Variants in EGF observed in about 807,000 individuals in gnomAD.
EGF encodes the protein epidermal growth factor.
In EGF, 95 loss-of-function variants were observed where a neutral mutation model predicts 143.8. That is an observed-to-expected ratio of 0.66 (90% CI 0.56 to 0.78). The LOEUF is 0.78. Ranked by LOEUF, EGF falls within the 30% of genes least tolerant of loss-of-function variation. EGF has a pLI of 0.00. For synonymous variants in EGF, 510 were observed against 510.5 expected, an observed-to-expected ratio of 1.00 and a Z score of 0.01; for missense variants, 1,320 against 1,470.9, an observed-to-expected ratio of 0.90 and a Z score of 1.68.
chr4:109,960,168 G>A (rs1745457372), intron 6 of EGF, among the ~76,000 whole-genome samples: 1 of 152,164 alleles, frequency 6.6e-6, no homozygotes, highest in Non-Finnish European at 1.5e-5. Flanking sequence ...TGCTGGAGAA[G>A]GTTTCCACAT....
intron 18 of EGF, chr4:109,992,303 A>G (rs1751076682): frequency 6.6e-6 from 1 of 152,056 alleles, no homozygotes; most frequent in East Asian, 1.9e-4. Context: ...AAGTCCCCTT[A>G]AACCTAAAAA....
Position 109,976,175 on chromosome 4 carries a change from G to T in EGF, c.1993G>T (p.Val665Leu). 6.2e-7 allele frequency: 1 copy of T among 1,614,116 alleles called. No individual in the cohort carries two copies. ...GTACTGGTGCGATGCCAAGCAGTCT[G>T]TGATTGAAATGGCCAATCTGGATGG... is the stretch of plus-strand genomic sequence containing the variant. ...KLYWCDAKQSVIEMANLDGSK... is the reference protein window; with the variant it reads ...KLYWCDAKQSLIEMANLDGSK... The change falls in exon 13 of 24, where the codon GTG (valine) becomes TTG (leucine). Residue 665 changes from valine (V) to leucine (L), a missense_variant. Coordinates refer to ENST00000265171, the MANE Select transcript of EGF (RefSeq NM_001963.6).
intron 20 of EGF, among the ~76,000 whole-genome samples, chr4:109,997,501 G>A (rs1012168063): frequency 2.7e-5 from 4 of 150,880 alleles, no homozygotes; most frequent in African/African-American, 7.3e-5. Context: ...TCGCTCTGTC[G>A]CCCAGGCTGG....
intron 10 of EGF, 97 bp downstream of exon 10, chr4:109,964,634 G>A (rs1218618013): frequency 7.8e-6 from 12 of 1,534,526 alleles, no homozygotes; most frequent in African/African-American, 2.7e-5. Context: ...AAAATCCTCT[G>A]CTAAGTTCTG....
intron 5 of EGF, among the ~76,000 whole-genome samples, chr4:109,951,225 G>A (rs1285120139): frequency 6.6e-6 from 1 of 150,948 alleles, no homozygotes; most frequent in Non-Finnish European, 1.5e-5. Context: ...GGGTGTGGTG[G>A]TGTCTGCCTG....
chr4:109,915,156 G>T (rs1736400828), intron 1 of EGF, among the ~76,000 whole-genome samples: 3 of 152,148 alleles, frequency 2.0e-5, no homozygotes, highest in Admixed American at 2.0e-4. Flanking sequence ...TGAAACCCAG[G>T]ATAGAAACAA....
chr4:110,011,027 G>T (rs1373494675), intron 23 of EGF, among the ~76,000 whole-genome samples, 175 bp from the exon 24 acceptor site: 1 of 151,600 alleles, frequency 6.6e-6, no homozygotes. Flanking sequence ...GGATGACAGA[G>T]TGAGATGCTT....
intron 20 of EGF, among the ~76,000 whole-genome samples, chr4:109,999,145 T>C (rs919932250): frequency 6.6e-6 from 1 of 152,196 alleles, no homozygotes; most frequent in Non-Finnish European, 1.5e-5. Context: ...TCCCTTGCAC[T>C]AGTAGTGATT....
chr4:109,978,895 T>C (rs2126111864), intron 13 of EGF, among the ~76,000 whole-genome samples: 1 of 152,334 alleles, frequency 6.6e-6, no homozygotes, highest in East Asian at 1.9e-4. Context: ...TTATTTGAGT[T>C]TGCCACCAGT....
At chr4:109,959,537 G>A (rs1436680382) in intron 6 of EGF, 100 bp downstream of exon 6, 2 of 1,598,766 alleles carry the variant, frequency 1.3e-6, no homozygotes, top group Non-Finnish European at 8.5e-7. Context: ...GCCAGCCAGA[G>A]ACTCAGTGGA....
intron 4 of EGF, among the ~76,000 whole-genome samples, chr4:109,944,631 A>G (rs1192620446): frequency 6.6e-6 from 1 of 152,250 alleles, no homozygotes. Context: ...TTGGCACATA[A>G]TAAGTTCTCA....
At chr4:109,970,950 T>C (rs912736750) in intron 11 of EGF, among the ~76,000 whole-genome samples, 3 of 152,150 alleles carry the variant, frequency 2.0e-5, no homozygotes, top group African/African-American at 7.2e-5. Context: ...CATTTGTTCA[T>C]CTAATCATAC....
chr4:109,942,428 T>C (rs1256711639), intron 2 of EGF, among the ~76,000 whole-genome samples: 3 of 152,246 alleles, frequency 2.0e-5, no homozygotes, highest in African/African-American at 7.2e-5. Flanking sequence ...TTTCTTTGTA[T>C]GAAATGTAGA....
chr4:109,988,738 G>A (rs1230019126), intron 18 of EGF, 29 bp downstream of exon 18: 1 of 1,613,004 alleles, frequency 6.2e-7, no homozygotes, highest in Non-Finnish European at 8.5e-7. Context: ...TGGGGAGGAG[G>A]GCAGAGGCAG....
At chr4:109,920,058 T>C (rs1220742399) in intron 1 of EGF, among the ~76,000 whole-genome samples, 2 of 151,594 alleles carry the variant, frequency 1.3e-5, no homozygotes, top group Non-Finnish European at 1.5e-5. Context: ...ATTTAACAAA[T>C]TCATATAGAT....
chr4:109,946,502 A>C (rs1295995010), intron 5 of EGF, among the ~76,000 whole-genome samples: 1 of 152,182 alleles, frequency 6.6e-6, no homozygotes, highest in Non-Finnish European at 1.5e-5. Context: ...ATGTGCTCAG[A>C]TAGGTCTTCT....
Position 109,937,359 on chromosome 4 carries a change from C to CT in EGF, c.128-3572dup, listed in dbSNP as rs57083170. 2.1e-3 allele frequency among the ~76,000 whole-genome samples: 294 copies of CT among 139,440 alleles called. 1 individual carries two copies. The highest frequency in any genetic ancestry group is 6.9e-3 in the South Asian group (30 of 4,370). 91.5% of individuals were successfully genotyped at this position (139,440 alleles called of 152,430 possible). A position where few individuals can be genotyped will look rare whatever the true frequency, so the allele number is the denominator to read the frequency against. ...TCAAAGACCAGGATTGCAATCCCTG[C>CT]TTTTTTTTTTTTTTTGCTTTCCATT... On this transcript the variant is annotated intron_variant, in intron 1 of 23. Coordinates refer to ENST00000265171, the MANE Select transcript of EGF (RefSeq NM_001963.6).
At chr4:109,948,106 T>A (rs549750199) in intron 5 of EGF, among the ~76,000 whole-genome samples, 6 of 152,286 alleles carry the variant, frequency 3.9e-5, no homozygotes, top group African/African-American at 1.2e-4. Context: ...AAATCTACAA[T>A]GATTCACTAA....
chr4:109,930,223 T>TG lies in EGF; in HGVS notation c.128-10721dup, dbSNP rs1036874413. 3.9e-4 allele frequency among the ~76,000 whole-genome samples: 59 copies of TG among 152,282 alleles called. 1 individual carries two copies. The highest frequency in any genetic ancestry group is 1.4e-3 in the African/African-American group (57 of 41,556). The stretch of plus-strand genomic sequence containing the variant: ...GTATTTCTTTATAGCAGTGTGAAAA[T>TG]GGACTAATACAGTGCTCTTTTAAGT... On this transcript the variant is annotated intron_variant, in intron 1 of 23. Coordinates refer to ENST00000265171, the MANE Select transcript of EGF (RefSeq NM_001963.6).
Sources: allele counts gnomAD v4.1 joint callset (sites outside exome capture counted in the v4.1 genomes callset), GRCh38; gene constraint gnomAD v4.1.1; transcripts MANE v1.5; gene names NCBI Gene and HGNC (gene_info 2026-07-23, HGNC 2026-07-21).